ABL1: variants seen among roughly 807,000 people sequenced by gnomAD.
The protein encoded by ABL1 is ABL proto-oncogene 1, non-receptor tyrosine kinase, also known as tyrosine-protein kinase ABL1.
Under a neutral mutation model 94.7 loss-of-function variants are expected in ABL1, and 11 were observed. The ratio of observed to expected loss-of-function variants is 0.12; its 90% confidence interval spans 0.07 to 0.19. The LOEUF (loss-of-function observed/expected upper bound fraction) is 0.19, where lower values mean the gene tolerates loss of function less well. ABL1 is among the 10% of genes least tolerant of loss of function. The probability of loss-of-function intolerance (pLI) is 1.00; values close to 1 mark genes in which losing one functional copy is unlikely to be tolerated. For missense variants in ABL1, 1,082 were observed against 1,489.4 expected (o/e 0.73, Z 4.50); for synonymous variants, 656 against 622.4 (o/e 1.05, Z -0.80).
At chr9:130,875,700 A>G (rs1254290202) in intron 7 of ABL1, among the ~76,000 whole-genome samples, 3 of 152,068 alleles carry the variant, frequency 2.0e-5, no homozygotes. Flanking sequence ...CGGCCTCATC[A>G]CATTCAGGTT....
At chr9:130,770,160 T>C (rs1233065867) in intron 1 of ABL1, among the ~76,000 whole-genome samples, 2 of 48,156 alleles carry the variant, frequency 4.2e-5, no homozygotes, top group East Asian at 6.1e-4. Context: ...CTACCAGTTG[T>C]CTCTCTCTCT....
chr9:130,839,971 G>C (rs866739682), intron 1 of ABL1, among the ~76,000 whole-genome samples: 5 of 152,166 alleles, frequency 3.3e-5, no homozygotes, highest in African/African-American at 1.2e-4. Flanking sequence ...CTGTACCTTG[G>C]TGTTCCCATT....
chr9:130,864,593 A>G (rs1215581136), intron 4 of ABL1, among the ~76,000 whole-genome samples: 4 of 152,148 alleles, frequency 2.6e-5, no homozygotes, highest in African/African-American at 7.2e-5. Context: ...CTTCACTTCT[A>G]TTTGACGGTT....
intron 1 of ABL1, among the ~76,000 whole-genome samples, chr9:130,756,917 A>G (rs1832048092): frequency 6.6e-6 from 1 of 152,176 alleles, no homozygotes; most frequent in South Asian, 2.1e-4. Context: ...GAATCCTTCA[A>G]GCCCTCCTCC....
chr9:130,750,540 A>C (rs1436880783), intron 1 of ABL1, among the ~76,000 whole-genome samples: 1 of 145,146 alleles, frequency 6.9e-6, no homozygotes, highest in East Asian at 2.0e-4. Flanking sequence ...CAACCTCCCC[A>C]TCCTGGGTTC....
intron 1 of ABL1, among the ~76,000 whole-genome samples, chr9:130,736,287 A>G (rs1274007060): frequency 6.6e-6 from 1 of 151,680 alleles, no homozygotes; most frequent in Non-Finnish European, 1.5e-5. Context: ...ATATTGGTAG[A>G]TATTTCCACA....
At chr9:130,871,026 A>G (rs1046241091) in intron 4 of ABL1, among the ~76,000 whole-genome samples, 1 of 152,208 alleles carries the variant, frequency 6.6e-6, no homozygotes, top group Non-Finnish European at 1.5e-5. Context: ...TCTACGTTTA[A>G]TAGAAAGTTG....
chr9:130,819,080 G>A (rs1458557363), intron 1 of ABL1, among the ~76,000 whole-genome samples: 6 of 152,248 alleles, frequency 3.9e-5, no homozygotes, highest in Non-Finnish European at 2.9e-5. Flanking sequence ...CCTGCCGGGC[G>A]CGATGGCTCA....
At position 130,862,248 on chromosome 9, in the gene ABL1, A is replaced by G. The variant is rs34561751; in HGVS notation, c.550-515A>G. On this transcript the variant is annotated intron_variant, in intron 3 of 10. Transcript: ENST00000318560. The surrounding 1 kb of genome is among the most constrained non-coding windows in gnomAD (Gnocchi z 5.5). ...TATTACATGTTGATTTCCTGTTCTCAACATTGGAATGAAGACAGCTTAGGG... is the reference window on the plus strand; with the variant it reads ...TATTACATGTTGATTTCCTGTTCTCGACATTGGAATGAAGACAGCTTAGGG... Among the ~76,000 whole-genome samples, 2,770 of 152,296 alleles carry G rather than the reference A, an allele frequency of 0.018. 86 individuals are homozygous for G. The highest frequency in any genetic ancestry group is 0.063 in the African/African-American group (2,603 of 41,548).
intron 1 of ABL1, among the ~76,000 whole-genome samples, chr9:130,793,387 C>T (rs1218213380): frequency 6.6e-6 from 1 of 152,168 alleles, no homozygotes; most frequent in African/African-American, 2.4e-5. Flanking sequence ...CTTCCGCATA[C>T]ATATTGTGAT....
chr9:130,714,454 T>TG lies in ABL1; in HGVS notation c.136+1dup, dbSNP rs1455375352. On this transcript the variant is annotated frameshift_variant and splice_region_variant, in exon 1 of 11. Transcript: ENST00000372348. LOFTEE classifies it high-confidence loss of function. Reference sequence around the variant, plus strand: ...CACACTGCAATGTTTTTGTGGAACATGGTGAGTGCTTTTCAAAATTTCTGC... The same window carrying TG: ...CACACTGCAATGTTTTTGTGGAACATGGGTGAGTGCTTTTCAAAATTTCTGC... The TG allele has an allele frequency of 6.2e-7, 1 of 1,614,050 alleles. No individual in the cohort carries two copies. The highest frequency in any genetic ancestry group is 8.5e-7 in the Non-Finnish European group (1 of 1,180,038).
chr9:130,743,282 A>G (rs534989074), intron 1 of ABL1, among the ~76,000 whole-genome samples: 9 of 152,198 alleles, frequency 5.9e-5, no homozygotes, highest in African/African-American at 2.2e-4. Context: ...CGTGTTAGCC[A>G]GGCTGGACTT....
chr9:130,804,572 C>CA (rs1830101389), intron 1 of ABL1, among the ~76,000 whole-genome samples: 1 of 152,094 alleles, frequency 6.6e-6, no homozygotes. Context: ...CAACAAGAGC[C>CA]AAACTCCGTC....
At chr9:130,757,062 A>G (rs1832049804) in intron 1 of ABL1, among the ~76,000 whole-genome samples, 1 of 152,162 alleles carries the variant, frequency 6.6e-6, no homozygotes, top group Non-Finnish European at 1.5e-5. Flanking sequence ...CGTCTGTGAG[A>G]AGGCAGTTTG....
chr9:130,861,454 C>T (rs902967895), intron 3 of ABL1, among the ~76,000 whole-genome samples: 7 of 152,174 alleles, frequency 4.6e-5, no homozygotes, highest in African/African-American at 1.7e-4. Context: ...CTTTTAAAAA[C>T]ATTTTTCTTA....
At chr9:130,739,077 A>G (rs1022354509) in intron 1 of ABL1, among the ~76,000 whole-genome samples, 1 of 152,080 alleles carries the variant, frequency 6.6e-6, no homozygotes, top group Non-Finnish European at 1.5e-5. Context: ...TTTTTTTAGT[A>G]GAGACGTGGT....
At chr9:130,870,077 T>C (rs545724708) in intron 4 of ABL1, among the ~76,000 whole-genome samples, 6 of 152,332 alleles carry the variant, frequency 3.9e-5, no homozygotes, top group African/African-American at 1.4e-4. Flanking sequence ...CCTCCCAAAG[T>C]GTTGGGATTA....
At chr9:130,783,561 C>G (rs1402684358) in intron 1 of ABL1, among the ~76,000 whole-genome samples, 2 of 152,136 alleles carry the variant, frequency 1.3e-5, no homozygotes, top group African/African-American at 4.8e-5. Flanking sequence ...TAAGGTCTCC[C>G]CTCAAATTGA....
intron 1 of ABL1, among the ~76,000 whole-genome samples, chr9:130,779,705 G>T (rs1829731229): frequency 6.6e-6 from 1 of 152,122 alleles, no homozygotes. Flanking sequence ...AAACCTATAT[G>T]CCATATAAGT....
Sources: allele counts gnomAD v4.1 joint callset (sites outside exome capture counted in the v4.1 genomes callset), GRCh38; gene constraint gnomAD v4.1.1; non-coding constraint Gnocchi (gnomAD v3.1); transcripts MANE v1.5; gene names NCBI Gene and HGNC (gene_info 2026-07-23, HGNC 2026-07-21).